CADM1: variants seen among roughly 807,000 people sequenced by gnomAD.
CADM1 encodes the protein cell adhesion molecule 1, also known as TSLC-1.
A neutral mutation model predicts 53.1 loss-of-function variants in CADM1; 15 were observed. That is an observed-to-expected ratio of 0.28 (90% confidence interval 0.19 to 0.44). The LOEUF is 0.44. CADM1 is among the 20% of genes least tolerant of loss of function. The pLI, the probability that CADM1 is intolerant of heterozygous loss-of-function variation, is 1.00. For synonymous variants in CADM1, 281 were observed against 243.0 expected, an observed-to-expected ratio of 1.16 and a Z score of -1.45; for missense variants, 434 against 611.3, an observed-to-expected ratio of 0.71 and a Z score of 3.06.
chr11:115,264,469 G>A (rs1382620471), intron 1 of CADM1, among the ~76,000 whole-genome samples: 1 of 152,186 alleles, frequency 6.6e-6, no homozygotes, highest in Non-Finnish European at 1.5e-5. Context: ...ATCTATTGTA[G>A]CAACCAAGGA....
rs568933927 is a variant in CADM1, at chr11:115,386,642, A to T, written c.124+117629T>A. Among the ~76,000 whole-genome samples, 157 of 152,278 alleles carry T rather than the reference A, an allele frequency of 1.0e-3. 1 individual carries two copies. The highest frequency in any genetic ancestry group is 3.6e-3 in the African/African-American group (149 of 41,570). ...ATAAAGCCACCAGTTCTACACTTCT[A>T]TTATAACCTATTAGTCTATAACTCA... On this transcript the variant is annotated intron_variant, in intron 1 of 11. Transcript: ENST00000331581.
intron 1 of CADM1, among the ~76,000 whole-genome samples, chr11:115,488,559 T>C (rs1477974692): frequency 1.3e-5 from 2 of 152,232 alleles, no homozygotes; most frequent in Non-Finnish European, 2.9e-5. Flanking sequence ...TGGTTCCACC[T>C]CTATATTCAC....
At chr11:115,409,737 G>GAA (rs34048832) in intron 1 of CADM1, among the ~76,000 whole-genome samples, 3 of 136,154 alleles carry the variant, frequency 2.2e-5, no homozygotes, top group Non-Finnish European at 1.6e-5. Context: ...TAAGCTTGAA[G>GAA]AAAAAAAAAA....
chr11:115,206,878 G>C (rs1940725587), intron 8 of CADM1, among the ~76,000 whole-genome samples: 1 of 147,280 alleles, frequency 6.8e-6, no homozygotes, highest in South Asian at 2.2e-4. Flanking sequence ...CAGTGCAAGA[G>C]AGAAGAGGAG....
intron 1 of CADM1, among the ~76,000 whole-genome samples, chr11:115,305,063 A>T (rs1206958971): frequency 6.6e-6 from 1 of 152,028 alleles, no homozygotes; most frequent in African/African-American, 2.4e-5. Flanking sequence ...TAGACAGGAG[A>T]CATAGAAGCT....
At chr11:115,464,940 AG>A (rs1342245693) in intron 1 of CADM1, among the ~76,000 whole-genome samples, 1 of 152,200 alleles carries the variant, frequency 6.6e-6, no homozygotes, top group Non-Finnish European at 1.5e-5. Context: ...AGAAATTTCC[AG>A]GAGGCACTCC....
chr11:115,493,823 A>G (rs950364094), intron 1 of CADM1, among the ~76,000 whole-genome samples: 1 of 152,140 alleles, frequency 6.6e-6, no homozygotes, highest in Non-Finnish European at 1.5e-5. Flanking sequence ...CAAAATGTCA[A>G]TGCCATAAAA....
At chr11:115,423,864 A>C (rs1947822246) in intron 1 of CADM1, among the ~76,000 whole-genome samples, 1 of 152,198 alleles carries the variant, frequency 6.6e-6, no homozygotes, top group Non-Finnish European at 1.5e-5. Flanking sequence ...GACAGCCATG[A>C]CTTAAGGTTT....
At chr11:115,483,904 T>C (rs1261311656) in intron 1 of CADM1, among the ~76,000 whole-genome samples, 3 of 152,188 alleles carry the variant, frequency 2.0e-5, no homozygotes, top group Middle Eastern at 3.2e-3. Context: ...ATTTCCATCA[T>C]CACAAAAGTT....
intron 1 of CADM1, among the ~76,000 whole-genome samples, chr11:115,263,997 A>G (rs1943053190): frequency 6.6e-6 from 1 of 152,180 alleles, no homozygotes; most frequent in African/African-American, 2.4e-5. Flanking sequence ...CTGGGTGGTG[A>G]GGTCCCTGTA....
In CADM1 at chr11:115,178,750, C is replaced by T. The variant is rs552336980; in HGVS notation, c.1191G>A (p.Ser397=). The change falls in exon 11 of 12, where the codon TCG becomes TCA. Residue 397 remains serine, a synonymous_variant. Transcript: ENST00000331581. ...LSDSRAGEEG[S]IRAVDHAVIG... ...TCACGGCATGATCCACTGCCCTGAT[C>T]GAGCCTTCTTCACCTGCTCGGGAAT... is the stretch of plus-strand genomic sequence containing the variant. The T allele has an allele frequency of 1.8e-5, 29 of 1,614,002 alleles. No homozygotes were observed. The highest frequency in any genetic ancestry group is 3.3e-5 in the Admixed American group (2 of 60,030).
chr11:115,502,312 T>TCCA (rs1949744131), intron 1 of CADM1, among the ~76,000 whole-genome samples: 1 of 147,190 alleles, frequency 6.8e-6, no homozygotes, highest in South Asian at 2.2e-4. Context: ...ACCACAGCTT[T>TCCA]CCACCGCCCC....
Position 115,323,485 on chromosome 11 carries a change from A to T in CADM1, c.125-83065T>A, listed in dbSNP as rs149536431. ...AAGTAGATGGGTGAAATTTCACTTGATTAGATAGCTCTTTCTAGCCAACAG... is the reference window on the plus strand; with the variant it reads ...AAGTAGATGGGTGAAATTTCACTTGTTTAGATAGCTCTTTCTAGCCAACAG... On this transcript the variant is annotated intron_variant, in intron 1 of 11. Coordinates refer to ENST00000331581, the MANE Select transcript of CADM1 (RefSeq NM_001301043.2). Among the ~76,000 whole-genome samples the T allele has an allele frequency of 6.4e-4, 98 of 152,264 alleles. 2 individuals are homozygous for T. The East Asian group carries it at 0.018, about 28-fold the overall frequency.
At chr11:115,374,089 T>C (rs754143178) in intron 1 of CADM1, among the ~76,000 whole-genome samples, 3 of 152,126 alleles carry the variant, frequency 2.0e-5, no homozygotes. Flanking sequence ...AATTTTCCAC[T>C]AAAAGAAATG....
intron 1 of CADM1, among the ~76,000 whole-genome samples, chr11:115,305,740 C>A (rs923490303): frequency 4.6e-5 from 7 of 151,460 alleles, no homozygotes; most frequent in Admixed American, 1.3e-4. Context: ...AATTCTAAGG[C>A]ATTCAAAAAG....
chr11:115,431,273 ATCT>A (rs1307618765), intron 1 of CADM1, among the ~76,000 whole-genome samples: 3 of 152,194 alleles, frequency 2.0e-5, no homozygotes, highest in African/African-American at 4.8e-5. Flanking sequence ...TATTATCCTT[ATCT>A]TCTTCTTAAC....
chr11:115,179,716 C>T (rs965167317), intron 10 of CADM1, among the ~76,000 whole-genome samples: 5 of 152,094 alleles, frequency 3.3e-5, no homozygotes, highest in Non-Finnish European at 7.4e-5. Flanking sequence ...GAAGCTAAAC[C>T]ATTGTCTTTT....
intron 1 of CADM1, among the ~76,000 whole-genome samples, chr11:115,334,641 T>A (rs922517170): frequency 1.3e-5 from 2 of 152,142 alleles, no homozygotes; most frequent in Non-Finnish European, 2.9e-5. Flanking sequence ...TAGGGTTCAA[T>A]ACTATCCTCA....
intron 7 of CADM1, among the ~76,000 whole-genome samples, chr11:115,210,473 C>T (rs973257339): frequency 6.6e-6 from 1 of 152,084 alleles, no homozygotes; most frequent in African/African-American, 2.4e-5. Context: ...GTATATTCTT[C>T]TATCATCTCA....
Sources: gnomAD v4.1 joint callset for allele counts (sites outside exome capture counted in the v4.1 genomes callset) on GRCh38, gnomAD v4.1.1 for gene constraint, MANE v1.5 for transcripts, NCBI Gene and HGNC (gene_info 2026-07-23, HGNC 2026-07-21) for gene names.